The following SPATA6L variants were observed in gnomAD, a reference collection of about 807,000 sequenced individuals.
SPATA6L encodes the protein spermatogenesis associated 6 like.
Under a neutral mutation model 49.2 loss-of-function variants are expected in SPATA6L, and 68 were observed. That is an observed-to-expected ratio of 1.38 (90% CI 1.14 to 1.69). SPATA6L has a LOEUF of 1.69. SPATA6L is among the 40% of genes most tolerant of loss of function. The pLI, the probability that SPATA6L is intolerant of heterozygous loss-of-function variation, is 0.00. For missense variants in SPATA6L, 668 were observed against 464.3 expected (o/e 1.44, Z -4.03); for synonymous variants, 198 against 165.7 (o/e 1.19, Z -1.50).
chr9:4,659,430 C>T lies in SPATA6L; in HGVS notation c.177+2469G>A, dbSNP rs1466070086. 2.6e-5 allele frequency among the ~76,000 whole-genome samples: 4 copies of T among 151,404 alleles called. No individual in the cohort carries two copies. The South Asian group carries it at 8.3e-4, about 32-fold the overall frequency. ...ATGAGTGAACTCCTATTCACAATTG[C>T]TTCAAAGAGAATAAAATATCTAGGA... On this transcript the variant is annotated intron_variant, in intron 2 of 11. Coordinates refer to ENST00000682582, the MANE Select transcript of SPATA6L (RefSeq NM_001353486.2).
At chr9:4,655,605 A>G (rs1400734353) in intron 3 of SPATA6L, among the ~76,000 whole-genome samples, 1 of 151,732 alleles carries the variant, frequency 6.6e-6, no homozygotes, top group African/African-American at 2.4e-5. Context: ...CTGGAGTGCA[A>G]TGGCACGATT....
chr9:4,613,224 T>C (rs1827184248), intron 9 of SPATA6L, among the ~76,000 whole-genome samples: 1 of 146,002 alleles, frequency 6.8e-6, no homozygotes, highest in African/African-American at 2.6e-5. Flanking sequence ...CAAGATTCTA[T>C]CTCAAAAAAA....
At chr9:4,594,244 C>T (rs911045666), downstream of SPATA6L, among the ~76,000 whole-genome samples, 1 of 152,206 alleles carries the variant, frequency 6.6e-6, no homozygotes, top group African/African-American at 2.4e-5. Flanking sequence ...GAGTCTCGCT[C>T]TGTCACCCAG....
chr9:4,603,139 C>A (rs1403869972), intron 11 of SPATA6L, among the ~76,000 whole-genome samples: 1 of 152,166 alleles, frequency 6.6e-6, no homozygotes, highest in Non-Finnish European at 1.5e-5. Flanking sequence ...TTTATAAAAA[C>A]TCTTTACTGC....
chr9:4,631,709 T>G (rs767905366), intron 4 of SPATA6L, among the ~76,000 whole-genome samples: 1 of 152,250 alleles, frequency 6.6e-6, no homozygotes, highest in Non-Finnish European at 1.5e-5. Flanking sequence ...CACATATATG[T>G]AATTCATTCT....
Position 4,606,266 on chromosome 9 carries a change from G to GC in SPATA6L, c.996-827dup, listed in dbSNP as rs1260980292. ...CAGGCTTGCTGAGGTAAACAAAGCA[G>GC]CCGGAAGCTCCAACTGGGTGGAGCC... On this transcript the variant is annotated intron_variant, in intron 9 of 11. Coordinates refer to ENST00000682582, the MANE Select transcript of SPATA6L (RefSeq NM_001353486.2). Among the ~76,000 whole-genome samples, 5 of 136,994 alleles carry GC rather than the reference G, an allele frequency of 3.6e-5. No individual in the cohort carries two copies. The South Asian group carries it at 7.1e-4, about 19-fold the overall frequency. 89.9% of individuals were successfully genotyped at this position (136,994 alleles called of 152,430 possible).
chr9:4,654,301 C>T (rs1359079939), intron 3 of SPATA6L, among the ~76,000 whole-genome samples: 1 of 152,194 alleles, frequency 6.6e-6, no homozygotes, highest in Non-Finnish European at 1.5e-5. Context: ...TCCTTTGTCC[C>T]CCTCTCAGGA....
intron 3 of SPATA6L, among the ~76,000 whole-genome samples, chr9:4,637,781 T>C (rs188921246): frequency 2.6e-5 from 4 of 152,174 alleles, no homozygotes; most frequent in Non-Finnish European, 4.4e-5. Context: ...CTTAAATGAA[T>C]GAACATGAGG....
In SPATA6L at chr9:4,606,538, A is replaced by G. The variant is rs537133113; in HGVS notation, c.996-1098T>C. On this transcript the variant is annotated intron_variant, in intron 9 of 11. Transcript: ENST00000682582. ...GGGAGGCACCCCCCAGCAGGGGCAC[A>G]CTGACACCTCACACGGCCGGGTACT... 6.8e-4 allele frequency among the ~76,000 whole-genome samples: 26 copies of G among 38,004 alleles called. 12 individuals carry two copies. Among genetic ancestry groups the G allele is most frequent in the Middle Eastern group, 0.062 (2 of 32 alleles). The allele number at this position is 38,004 out of a possible 152,430, so 24.9% of individuals were successfully genotyped here. A position where few individuals can be genotyped will look rare whatever the true frequency, so the allele number is the denominator to read the frequency against.
Position 4,662,637 on chromosome 9 carries a change from G to C in SPATA6L, c.40-601C>G. 6.3e-7 allele frequency: 1 copy of C among 1,598,592 alleles called. No individual in the cohort carries two copies. Among genetic ancestry groups the C allele is most frequent in the Non-Finnish European group, 8.5e-7 (1 of 1,179,510 alleles). On this transcript the variant is annotated intron_variant, in intron 1 of 11. Transcript: ENST00000682582. This position sits in a 1 kb window ranked among gnomAD's most constrained non-coding sequence, Gnocchi z 4.9. The stretch of plus-strand genomic sequence containing the variant: ...GCAGTCGCCCGCGCCTCCGCTGCCC[G>C]AGGAGGACCGCATGGACTTGAACCC...
intron 6 of SPATA6L, among the ~76,000 whole-genome samples, chr9:4,623,857 T>A (rs929424420): frequency 6.6e-6 from 1 of 152,210 alleles, no homozygotes; most frequent in Non-Finnish European, 1.5e-5. Context: ...ATAAATGAAG[T>A]CAATTCGATA....
At position 4,618,251 on chromosome 9, in the gene SPATA6L, A is replaced by G. The variant is rs575136408; in HGVS notation, c.808-141T>C. 6 of 628,160 alleles carry G rather than the reference A, an allele frequency of 9.6e-6. No homozygotes were observed. The East Asian group carries it at 1.7e-4, about 18-fold the overall frequency. 38.9% of individuals were successfully genotyped at this position (628,160 alleles called of 1,614,324 possible). ...CCCAGGGATCTCCTGCAAATAGAAG[A>G]GGATCTGGAGAAGAGAAGACTAGTG... On this transcript the variant is annotated intron_variant, in intron 8 of 11. Transcript: ENST00000682582.
In SPATA6L at chr9:4,652,787, G is replaced by C. The variant is rs148959091; in HGVS notation, c.226+3254C>G. Among the ~76,000 whole-genome samples the C allele has an allele frequency of 8.0e-3, 1,185 of 147,804 alleles. 7 individuals are homozygous for C. Among genetic ancestry groups the C allele is most frequent in the Middle Eastern group, 0.021 (6 of 282 alleles). Reference sequence around the variant, plus strand: ...ACCTGGGAGGCAGAGGGTGCAGTGAGCAGAGATCGCACGATTGCACTCCAG... The same window carrying C: ...ACCTGGGAGGCAGAGGGTGCAGTGACCAGAGATCGCACGATTGCACTCCAG... On this transcript the variant is annotated intron_variant, in intron 3 of 11. Transcript: ENST00000682582.
intron 3 of SPATA6L, among the ~76,000 whole-genome samples, chr9:4,650,960 C>T: frequency 6.6e-6 from 1 of 151,882 alleles, no homozygotes; most frequent in East Asian, 1.9e-4. Flanking sequence ...CCTTGGCCTC[C>T]CAAAATGCTG....
intron 3 of SPATA6L, among the ~76,000 whole-genome samples, chr9:4,648,846 G>C (rs1374640725): frequency 6.6e-6 from 1 of 151,856 alleles, no homozygotes; most frequent in Non-Finnish European, 1.5e-5. Flanking sequence ...TTCCCCCTGA[G>C]TCCCCAAAGT....
chr9:4,620,792 G>A (rs928338667), intron 7 of SPATA6L, among the ~76,000 whole-genome samples: 2 of 152,196 alleles, frequency 1.3e-5, no homozygotes, highest in South Asian at 2.1e-4. Flanking sequence ...GAGTCCCATC[G>A]TAATAGAGCC....
intron 2 of SPATA6L, among the ~76,000 whole-genome samples, chr9:4,658,209 C>T (rs1024124974): frequency 1.3e-5 from 2 of 152,172 alleles, no homozygotes; most frequent in Non-Finnish European, 2.9e-5. Flanking sequence ...CTCTAGGAAA[C>T]TAATATATCC....
At chr9:4,610,778 A>G (rs1170264780) in intron 9 of SPATA6L, among the ~76,000 whole-genome samples, 1 of 152,040 alleles carries the variant, frequency 6.6e-6, no homozygotes, top group East Asian at 1.9e-4. Context: ...AATGGCAACA[A>G]AAGCCAAAAT....
rs1830331041 is a variant in SPATA6L at position 4,626,276 on chromosome 9, C to G, written c.430-710G>C. 7.3e-6 allele frequency: 6 copies of G among 823,318 alleles called. No homozygotes were observed. In the South Asian group the frequency reaches 1.3e-4, roughly 17 times the overall value. 51.0% of individuals were successfully genotyped at this position (823,318 alleles called of 1,614,324 possible). A position where few individuals can be genotyped will look rare whatever the true frequency, so the allele number is the denominator to read the frequency against. On this transcript the variant is annotated intron_variant, in intron 5 of 11. Coordinates refer to ENST00000682582, the MANE Select transcript of SPATA6L (RefSeq NM_001353486.2). ...TTATGCCAGGACTAGCCCCATTGCACTCCTCCAGACATATCAGCGGCAGCT... is the reference window on the plus strand; with the variant it reads ...TTATGCCAGGACTAGCCCCATTGCAGTCCTCCAGACATATCAGCGGCAGCT...
Sources: gnomAD v4.1 joint callset for allele counts (sites outside exome capture counted in the v4.1 genomes callset) on GRCh38, gnomAD v4.1.1 for gene constraint, Gnocchi (gnomAD v3.1) non-coding constraint, MANE v1.5 for transcripts, NCBI Gene and HGNC (gene_info 2026-07-23, HGNC 2026-07-21) for gene names.